The following AKR1C3 variants were observed in gnomAD, a reference collection of about 807,000 sequenced individuals.
AKR1C3 encodes 3-alpha hydroxysteroid dehydrogenase, type II.
In AKR1C3, 48 loss-of-function variants were observed where a neutral mutation model predicts 43.6. The ratio of observed to expected loss-of-function variants is 1.10; its 90% CI spans 0.87 to 1.40. The LOEUF is 1.40. AKR1C3 is among the 40% of genes most tolerant of loss of function. The pLI is 0.00. For synonymous variants in AKR1C3, 162 were observed against 139.6 expected (o/e 1.16, Z -1.13); for missense variants, 482 against 391.2 (o/e 1.23, Z -1.96).
At position 5,078,444 on chromosome 10, in the gene AKR1C3, AAAT is replaced by A. The variant is rs571445404; in HGVS notation, c.85-17957_85-17955del. On this transcript the variant is annotated intron_variant, in intron 1 of 8. Coordinates refer to the AKR1C3 transcript ENST00000439082. ...GGTCAACAGAGCAAGAATCTGTCTC[AAAT>A]AATAATAACCATAATCATAATCATA... is the stretch of plus-strand genomic sequence containing the variant. 5.7e-3 allele frequency among the ~76,000 whole-genome samples: 868 copies of A among 152,324 alleles called. 6 individuals are homozygous for A. The highest frequency in any genetic ancestry group is 0.02 in the African/African-American group (837 of 41,566).
intron 1 of AKR1C3, among the ~76,000 whole-genome samples, chr10:5,082,877 T>C (rs1272469628): frequency 6.6e-6 from 1 of 152,174 alleles, no homozygotes; most frequent in African/African-American, 2.4e-5. Context: ...TACCAGCTCT[T>C]CTTTCCATGT....
chr10:5,107,126 T>C lies in AKR1C3; in HGVS notation c.930-335T>C, dbSNP rs1839524734. 2.0e-5 allele frequency among the ~76,000 whole-genome samples: 3 copies of C among 152,316 alleles called. No individual in the cohort carries two copies. In the South Asian group the frequency reaches 6.2e-4, roughly 32 times the overall value. ...CATTTCTGAATCTTACAAAATATAT[T>C]GCATACAGTAGACAGTAGCAGGTAA... On this transcript the variant is annotated intron_variant, in intron 8 of 8. Transcript: ENST00000380554.
At chr10:5,103,823 G>A (rs587640435) in intron 7 of AKR1C3, among the ~76,000 whole-genome samples, 18 of 152,290 alleles carry the variant, frequency 1.2e-4, no homozygotes, top group Admixed American at 1.1e-3. Flanking sequence ...ATTGGAAAGA[G>A]CTAGAAATTC....
At chr10:5,088,146 A>G (rs1839013608) in intron 1 of AKR1C3, among the ~76,000 whole-genome samples, 1 of 152,132 alleles carries the variant, frequency 6.6e-6, no homozygotes, top group Admixed American at 6.6e-5. Context: ...TCCTCTTGAT[A>G]TTGATTTCTA....
intron 1 of AKR1C3, among the ~76,000 whole-genome samples, chr10:5,058,431 C>T (rs1838308615): frequency 6.6e-6 from 1 of 152,164 alleles, no homozygotes; most frequent in Non-Finnish European, 1.5e-5. Flanking sequence ...AATGAGCCAC[C>T]TCTTTTTCAG....
intron 1 of AKR1C3, chr10:5,078,126 T>C: frequency 1.9e-6 from 1 of 525,324 alleles, no homozygotes; most frequent in Non-Finnish European, 3.3e-6. Flanking sequence ...ACTAGAGTGA[T>C]TCAAAAATAA....
chr10:5,049,031 T>C (rs1838095649), intron 1 of AKR1C3: 1 of 639,038 alleles, frequency 1.6e-6, no homozygotes, highest in Non-Finnish European at 2.7e-6. Context: ...GTTAAAGCTA[T>C]ACTGTATGTA....
rs782443755 is a variant in AKR1C3 at position 5,104,222 on chromosome 10, T to G, written c.847-1373T>G. Among the ~76,000 whole-genome samples, 51 of 152,206 alleles carry G rather than the reference T, an allele frequency of 3.4e-4. 1 individual carries two copies. Among genetic ancestry groups the G allele is most frequent in the Non-Finnish European group, 6.0e-4 (41 of 68,024 alleles). ...CTTTTAATATGTTATCTTGCAAAAT[T>G]GGTAATTCTCTTTACTTATAAATTA... On this transcript the variant is annotated intron_variant, in intron 7 of 8. Transcript: ENST00000380554.
intron 1 of AKR1C3, among the ~76,000 whole-genome samples, chr10:5,060,584 T>C (rs1441625977): frequency 6.6e-6 from 1 of 152,210 alleles, no homozygotes; most frequent in Non-Finnish European, 1.5e-5. Flanking sequence ...ACATAAAGTT[T>C]CTCCAAGTCC....
intron 1 of AKR1C3, among the ~76,000 whole-genome samples, chr10:5,085,471 G>A (rs6601903): frequency 0.29 from 43,616 of 151,566 alleles, 7,641 homozygotes; most frequent in East Asian, 0.76. Context: ...TGCTGGATTC[G>A]GTTTGCCAGT....
At chr10:5,082,027 C>G (rs1482535246) in intron 1 of AKR1C3, 1 of 152,132 alleles carries the variant, frequency 6.6e-6, no homozygotes, top group Non-Finnish European at 1.5e-5. Flanking sequence ...GATCATTGTA[C>G]TTTATCATAA....
intron 7 of AKR1C3, among the ~76,000 whole-genome samples, chr10:5,103,504 C>CTGAACTTAGTCAAGTTCT (rs1839410965): frequency 1.3e-5 from 2 of 152,164 alleles, no homozygotes; most frequent in South Asian, 4.1e-4. Context: ...TGGCCTCAGC[C>CTGAACTTAGTCAAGTTCT]TGAACTTAGT....
At chr10:5,105,386 C>A in intron 7 of AKR1C3, 1 of 409,954 alleles carries the variant, frequency 2.4e-6, no homozygotes, top group Non-Finnish European at 4.4e-6. Flanking sequence ...TGCAGAGTTG[C>A]ACAGTTTCAA....
intron 7 of AKR1C3, chr10:5,105,222 A>T (rs943022126): frequency 3.3e-5 from 5 of 150,842 alleles, no homozygotes; most frequent in Admixed American, 2.0e-4. Context: ...TATCAAACTT[A>T]ATATATAATC....
intron 1 of AKR1C3, among the ~76,000 whole-genome samples, chr10:5,059,867 G>A (rs1838345342): frequency 6.6e-6 from 1 of 152,176 alleles, no homozygotes; most frequent in South Asian, 2.1e-4. Context: ...GTGGGTTCTT[G>A]GTCTCACTGA....
chr10:5,051,967 G>A (rs1056351184), intron 1 of AKR1C3, among the ~76,000 whole-genome samples: 2 of 152,180 alleles, frequency 1.3e-5, no homozygotes, highest in Non-Finnish European at 2.9e-5. Context: ...TTATAAGTTA[G>A]GATCGGGGGT....
intron 1 of AKR1C3, among the ~76,000 whole-genome samples, chr10:5,095,771 T>C (rs966146446): frequency 2.6e-5 from 4 of 152,134 alleles, no homozygotes; most frequent in Non-Finnish European, 5.9e-5. Context: ...GAATTTTTAA[T>C]GTACAAATCG....
At chr10:5,059,747 G>A (rs10795234) in intron 1 of AKR1C3, among the ~76,000 whole-genome samples, 42,208 of 152,004 alleles carry the variant, frequency 0.28, 6,028 homozygotes, top group East Asian at 0.4. Flanking sequence ...GGCGATAGGC[G>A]ATAGTCTCGC....
rs781967480 is a variant in AKR1C3, at chr10:5,102,192, C to A, written c.662C>A (p.Ser221Tyr). Residue 221 changes from serine to tyrosine, a missense_variant, in exon 6 of 9, where the codon TCT becomes TAT. Ser to Tyr is a moderately radical substitution (Grantham distance 144). Transcript: ENST00000380554. ...CTGGTTGCCTATAGTGCTCTGGGAT[C>A]TCAACGAGACAAACGATGGTAATAA... Reference protein sequence around the residue: ...IVLVAYSALGSQRDKRWVDPN... With the variant: ...IVLVAYSALGYQRDKRWVDPN... 1 of 1,613,262 alleles carries A rather than the reference C, an allele frequency of 6.2e-7. No homozygotes were observed. The highest frequency in any genetic ancestry group is 1.1e-5 in the South Asian group (1 of 90,970).
Sources: gnomAD v4.1 joint callset for allele counts (sites outside exome capture counted in the v4.1 genomes callset) on GRCh38, gnomAD v4.1.1 for gene constraint, MANE v1.5 for transcripts, NCBI Gene and HGNC (gene_info 2026-07-23, HGNC 2026-07-21) for gene names.